The following OVCH1 variants were observed in gnomAD, a reference collection of about 807,000 sequenced individuals.
OVCH1 encodes ovochymase-1.
Under a neutral mutation model 138.4 loss-of-function variants are expected in OVCH1, and 139 were observed. The observed-to-expected ratio is 1.00, with a 90% CI of 0.87 to 1.16. The LOEUF is 1.16. OVCH1 is among the 50% of genes most tolerant of loss of function. OVCH1 has a pLI of 0.00. For missense variants in OVCH1, 1,367 were observed against 1,357.9 expected (o/e 1.01, Z -0.11); for synonymous variants, 453 against 467.8 (o/e 0.97, Z 0.41).
chr12:29,491,047 G>T, intron 5 of OVCH1, 50 bp downstream of exon 5: 1 of 1,446,708 alleles, frequency 6.9e-7, no homozygotes, highest in Non-Finnish European at 9.7e-7. Flanking sequence ...TGCTTCCCCT[G>T]GACATACAGA....
At chr12:29,461,070 AG>A (rs1458807335) in intron 19 of OVCH1, among the ~76,000 whole-genome samples, 22 of 152,010 alleles carry the variant, frequency 1.4e-4, no homozygotes, top group Non-Finnish European at 3.1e-4. Flanking sequence ...TTCTTGACTG[AG>A]TGGTGGGGAA....
At position 29,487,679 on chromosome 12, in the gene OVCH1, A is replaced by G; in HGVS notation, c.892+14T>C. On this transcript the variant is annotated intron_variant, in intron 7 of 27. Coordinates refer to ENST00000318184, the Ensembl canonical transcript of OVCH1. The stretch of plus-strand genomic sequence containing the variant: ...TTGAGTTAGGATGAGATGAGGAAGA[A>G]AGAATTCACCTACCTGTGAACAGGT... 6.3e-7 allele frequency: 1 copy of G among 1,575,010 alleles called. No homozygotes were observed. Among genetic ancestry groups the G allele is most frequent in the Non-Finnish European group, 8.6e-7 (1 of 1,157,160 alleles).
At chr12:29,458,969 CA>C (rs1304515938) in intron 19 of OVCH1, among the ~76,000 whole-genome samples, 1 of 151,862 alleles carries the variant, frequency 6.6e-6, no homozygotes, top group Non-Finnish European at 1.5e-5. Context: ...GGCTTTTATC[CA>C]AAAGACAGGC....
intron 5 of OVCH1, among the ~76,000 whole-genome samples, chr12:29,490,550 A>T (rs1251498851): frequency 6.6e-6 from 1 of 152,188 alleles, no homozygotes; most frequent in East Asian, 1.9e-4. Flanking sequence ...CACCCCACAG[A>T]GTTAACTTTT....
At chr12:29,442,465 A>C (rs1195571215) in intron 25 of OVCH1, among the ~76,000 whole-genome samples, 1 of 107,892 alleles carries the variant, frequency 9.3e-6, no homozygotes, top group African/African-American at 3.6e-5. Flanking sequence ...CACTCTGTGG[A>C]CTGTTGTGGG....
downstream of OVCH1, among the ~76,000 whole-genome samples, chr12:29,410,424 G>C (rs887328638): frequency 6.6e-6 from 1 of 151,234 alleles, no homozygotes; most frequent in African/African-American, 2.4e-5. Flanking sequence ...TTACATTTTG[G>C]CATGATTTTG....
chr12:29,485,727 G>A (rs1251613667), intron 8 of OVCH1, among the ~76,000 whole-genome samples: 1 of 151,934 alleles, frequency 6.6e-6, no homozygotes, highest in African/African-American at 2.4e-5. Context: ...AGTGAGCCGA[G>A]ATTGTGCCAC....
chr12:29,481,334 A>AT (rs1942926179), intron 8 of OVCH1, among the ~76,000 whole-genome samples: 2 of 151,996 alleles, frequency 1.3e-5, no homozygotes, highest in Non-Finnish European at 1.5e-5. Context: ...TTTACAATGA[A>AT]TTTTTTTGTC....
intron 21 of OVCH1, among the ~76,000 whole-genome samples, chr12:29,453,691 T>G (rs1941862036): frequency 6.6e-6 from 1 of 152,082 alleles, no homozygotes; most frequent in Admixed American, 6.6e-5. Context: ...ATTCCAATGA[T>G]CCATCATTTT....
chr12:29,443,630 A>G, intron 24 of OVCH1, 130 bp from the exon 25 acceptor site: 1 of 946,628 alleles, frequency 1.1e-6, no homozygotes, highest in Non-Finnish European at 1.5e-6. Flanking sequence ...CTGTTTCCTT[A>G]TGGTTGTGAG....
At chr12:29,496,410 G>A (rs1592126554) in intron 2 of OVCH1, 132 bp from the exon 3 acceptor site, 1 of 1,137,516 alleles carries the variant, frequency 8.8e-7, no homozygotes. Context: ...TGGATAGTAA[G>A]ATAGTTCCTA....
At chr12:29,458,030 A>G (rs774958270) in intron 19 of OVCH1, among the ~76,000 whole-genome samples, 16 of 152,188 alleles carry the variant, frequency 1.1e-4, no homozygotes, top group Admixed American at 2.6e-4. Flanking sequence ...AGGCAAATCA[A>G]TGTGGCTGAG....
chr12:29,409,218 C>G (rs989074077), downstream of OVCH1, among the ~76,000 whole-genome samples: 1 of 152,086 alleles, frequency 6.6e-6, no homozygotes, highest in Non-Finnish European at 1.5e-5. Context: ...ATTAGTCTTG[C>G]TAGCGGTCTA....
intron 15 of OVCH1, 130 bp from the exon 16 acceptor site, chr12:29,472,112 A>C (rs2136009566): frequency 2.0e-6 from 2 of 1,018,052 alleles, no homozygotes; most frequent in East Asian, 3.0e-5. Flanking sequence ...ATTGACTCCC[A>C]AAACTCACCT....
intron 19 of OVCH1, 22 bp downstream of exon 19, chr12:29,461,832 T>C: frequency 6.2e-7 from 1 of 1,613,458 alleles, no homozygotes; most frequent in Non-Finnish European, 8.5e-7. Flanking sequence ...CACCTTCCTG[T>C]ATAAAACCAG....
intron 4 of OVCH1, among the ~76,000 whole-genome samples, chr12:29,491,895 T>A (rs973106971): frequency 3.3e-5 from 5 of 152,150 alleles, no homozygotes; most frequent in Non-Finnish European, 5.9e-5. Context: ...AACAAGATGA[T>A]CAAATTATCA....
intron 27 of OVCH1, among the ~76,000 whole-genome samples, chr12:29,429,225 G>A (rs1347224616): frequency 6.6e-6 from 1 of 152,168 alleles, no homozygotes; most frequent in Non-Finnish European, 1.5e-5. Flanking sequence ...TGCCATTTAG[G>A]AAATAAAATC....
At position 29,427,713 on chromosome 12, in the gene OVCH1, A is replaced by G; in HGVS notation, c.3328-65T>C. The G allele has an allele frequency of 7.9e-6, 12 of 1,524,530 alleles. No homozygotes were observed. The South Asian group carries it at 1.3e-4, about 17-fold the overall frequency. The allele number at this position is 1,524,530 out of a possible 1,614,324, so 94.4% of individuals were successfully genotyped here. On this transcript the variant is annotated intron_variant, in intron 27 of 27. Transcript: ENST00000318184. ...TATGGTATTTGTTATAGCAGCTTGA[A>G]TGGGGTGATAGCCTAGCTAACGGGG...
downstream of OVCH1, among the ~76,000 whole-genome samples, chr12:29,426,993 A>G (rs1220630049): frequency 6.6e-6 from 1 of 152,222 alleles, no homozygotes; most frequent in Non-Finnish European, 1.5e-5. Flanking sequence ...AACTATAGAC[A>G]CAATTCACTT....
Sources: gnomAD v4.1 joint callset for allele counts (sites outside exome capture counted in the v4.1 genomes callset) on GRCh38, gnomAD v4.1.1 for gene constraint, MANE v1.5 for transcripts, NCBI Gene and HGNC (gene_info 2026-07-23, HGNC 2026-07-21) for gene names.